The following PHACTR3 variants were observed in gnomAD, a reference collection of about 807,000 sequenced individuals.
The protein encoded by PHACTR3 is protein phosphatase 1, regulatory subunit 123.
Under a neutral mutation model 66.8 loss-of-function variants are expected in PHACTR3, and 16 were observed. That is an observed-to-expected ratio of 0.24 (90% CI 0.16 to 0.36). The LOEUF is 0.36. Ranked by LOEUF, PHACTR3 falls within the 10% of genes least tolerant of loss-of-function variation. The probability of loss-of-function intolerance (pLI) is 1.00; values close to 1 mark genes in which losing one functional copy is unlikely to be tolerated. For missense variants in PHACTR3, 647 were observed against 719.9 expected, an observed-to-expected ratio of 0.90 and a Z score of 1.16; for synonymous variants, 323 against 292.1, an observed-to-expected ratio of 1.11 and a Z score of -1.08.
chr20:59,714,047 T>C (rs2038002792), intron 1 of PHACTR3, among the ~76,000 whole-genome samples: 1 of 152,232 alleles, frequency 6.6e-6, no homozygotes, highest in Non-Finnish European at 1.5e-5. Flanking sequence ...GCTATTTGTA[T>C]GTCTTCTTTA....
In PHACTR3 at chr20:59,784,256, A is replaced by G. The variant is rs1037912621; in HGVS notation, c.1174+9766A>G. On this transcript the variant is annotated intron_variant, in intron 7 of 12. Coordinates refer to ENST00000371015, the MANE Select transcript of PHACTR3 (RefSeq NM_080672.5). ...ACAGCCCCCGCAATCGCATGAGTCA[A>G]TTCCTTAAAATAAATGTCTTAAAAC... Among the ~76,000 whole-genome samples the G allele has an allele frequency of 8.5e-5, 13 of 152,070 alleles. 1 individual carries two copies. The highest frequency in any genetic ancestry group is 6.6e-4 in the Admixed American group (10 of 15,260).
intron 4 of PHACTR3, among the ~76,000 whole-genome samples, chr20:59,755,579 C>T (rs890016781): frequency 7.9e-5 from 12 of 152,182 alleles, no homozygotes; most frequent in Admixed American, 1.3e-4. Flanking sequence ...AAGTCTGGCA[C>T]GGCTGATAAG....
At chr20:59,688,387 G>C (rs184235564) in intron 1 of PHACTR3, among the ~76,000 whole-genome samples, 1 of 152,198 alleles carries the variant, frequency 6.6e-6, no homozygotes, top group Non-Finnish European at 1.5e-5. Flanking sequence ...TGGTGGAACA[G>C]CATTAAGGAC....
intron 1 of PHACTR3, among the ~76,000 whole-genome samples, chr20:59,739,584 A>C (rs927559716): frequency 6.6e-6 from 1 of 152,096 alleles, no homozygotes; most frequent in Admixed American, 6.5e-5. Flanking sequence ...AAACCAACAG[A>C]TCTCAAGAGA....
chr20:59,660,851 A>C (rs970990205), intron 1 of PHACTR3, among the ~76,000 whole-genome samples: 22 of 152,384 alleles, frequency 1.4e-4, no homozygotes, highest in African/African-American at 5.3e-4. Flanking sequence ...ATTATACAAT[A>C]GTCATTGCCT....
intron 1 of PHACTR3, among the ~76,000 whole-genome samples, chr20:59,740,899 C>T (rs952722744): frequency 6.6e-6 from 1 of 152,190 alleles, no homozygotes; most frequent in Non-Finnish European, 1.5e-5. Flanking sequence ...CTGCAGAGCC[C>T]AGATTCAGAG....
At chr20:59,635,979 A>G (rs981397908) in intron 1 of PHACTR3, among the ~76,000 whole-genome samples, 3 of 152,194 alleles carry the variant, frequency 2.0e-5, no homozygotes, top group Non-Finnish European at 4.4e-5. Flanking sequence ...AGGTCCTCCT[A>G]AGAGACTTTG....
At chr20:59,788,474 C>G (rs2040991108) in intron 7 of PHACTR3, among the ~76,000 whole-genome samples, 1 of 152,102 alleles carries the variant, frequency 6.6e-6, no homozygotes, top group South Asian at 2.1e-4. Flanking sequence ...CTCCCTGGCT[C>G]CCAGGACACC....
In PHACTR3 at chr20:59,841,487, T is replaced by C; in HGVS notation, c.1539T>C (p.Tyr513=). The C allele has an allele frequency of 1.9e-6, 3 of 1,613,592 alleles. No homozygotes were observed. Among genetic ancestry groups the C allele is most frequent in the Non-Finnish European group, 2.5e-6 (3 of 1,179,692 alleles). Residue 513 remains tyrosine (Y), a synonymous_variant, in exon 11 of 13, where the codon TAT becomes TAC. Transcript: ENST00000371015. Reference sequence around the variant, plus strand: ...TGGAAGTAGCAAAAGCGCAGGACTATGACAGGAGGGCAGACAAACCCTGGA... The same window carrying C: ...TGGAAGTAGCAAAAGCGCAGGACTACGACAGGAGGGCAGACAAACCCTGGA... The part of the protein sequence containing the change: ...DYVEVAKAQD[Y]DRRADKPWTR...
chr20:59,664,813 T>C (rs1030160390), intron 1 of PHACTR3, among the ~76,000 whole-genome samples: 1 of 152,200 alleles, frequency 6.6e-6, no homozygotes, highest in Non-Finnish European at 1.5e-5. Context: ...AGATGCCGCC[T>C]TTCACAAGTC....
At chr20:59,584,290 G>T (rs2032952532) in intron 1 of PHACTR3, among the ~76,000 whole-genome samples, 2 of 151,794 alleles carry the variant, frequency 1.3e-5, no homozygotes, top group South Asian at 4.2e-4. Context: ...GCAAGAGTGT[G>T]TACGTGCCTG....
chr20:59,665,226 A>G (rs1036372271), intron 1 of PHACTR3, among the ~76,000 whole-genome samples: 7 of 152,188 alleles, frequency 4.6e-5, no homozygotes, highest in African/African-American at 1.7e-4. Flanking sequence ...AAATCCTTCA[A>G]GTATGTGGCT....
chr20:59,624,430 G>A (rs76212292), intron 1 of PHACTR3, among the ~76,000 whole-genome samples: 3 of 152,128 alleles, frequency 2.0e-5, no homozygotes, highest in Admixed American at 6.5e-5. Context: ...CTGACTTGAC[G>A]CATCTGCCAT....
At chr20:59,613,107 C>T (rs2033911910) in intron 1 of PHACTR3, among the ~76,000 whole-genome samples, 1 of 152,200 alleles carries the variant, frequency 6.6e-6, no homozygotes, top group Admixed American at 6.5e-5. Flanking sequence ...TCCATTTCAA[C>T]ATGAGATTTG....
rs988331840 is a variant in PHACTR3, at chr20:59,806,316, C to T, written c.1328+122C>T. ...GCACAACCCACCGTCTGCAGCAGGT[C>T]TCTTGACCCCGCCACCGTTGACGTT... On this transcript the variant is annotated intron_variant, in intron 8 of 12. Coordinates refer to ENST00000371015, the MANE Select transcript of PHACTR3 (RefSeq NM_080672.5). 3.9e-6 allele frequency: 5 copies of T among 1,275,664 alleles called. No individual in the cohort carries two copies. The African/African-American group carries it at 6.0e-5, about 15-fold the overall frequency. 79.0% of individuals were successfully genotyped at this position (1,275,664 alleles called of 1,614,324 possible).
chr20:59,774,563 G>C, intron 7 of PHACTR3, 73 bp downstream of exon 7: 1 of 1,544,608 alleles, frequency 6.5e-7, no homozygotes, highest in Non-Finnish European at 8.7e-7. Flanking sequence ...GTCGAGGACA[G>C]AGCTCGTGCC....
At chr20:59,592,920 C>T (rs528194517) in intron 1 of PHACTR3, among the ~76,000 whole-genome samples, 3 of 152,218 alleles carry the variant, frequency 2.0e-5, no homozygotes, top group South Asian at 4.2e-4. Flanking sequence ...TTGGTTGCTT[C>T]CAAATTTTGA....
intron 1 of PHACTR3, among the ~76,000 whole-genome samples, chr20:59,653,334 G>T (rs543921087): frequency 6.6e-6 from 1 of 152,126 alleles, no homozygotes; most frequent in African/African-American, 2.4e-5. Flanking sequence ...AGAGGTGCTT[G>T]CCACCATGCC....
intron 1 of PHACTR3, among the ~76,000 whole-genome samples, chr20:59,619,777 C>G (rs1299307127): frequency 2.6e-5 from 4 of 152,172 alleles, no homozygotes; most frequent in Non-Finnish European, 4.4e-5. Context: ...AGGGGAAAGC[C>G]TCAGGTTCAG....
Sources: allele counts gnomAD v4.1 joint callset (sites outside exome capture counted in the v4.1 genomes callset), GRCh38; gene constraint gnomAD v4.1.1; transcripts MANE v1.5; gene names NCBI Gene and HGNC (gene_info 2026-07-23, HGNC 2026-07-21).